Variants in TENT2 observed in about 807,000 individuals in gnomAD.
TENT2 encodes terminal nucleotidyltransferase 2.
TENT2 carries 44 observed loss-of-function variants against 72.2 expected under a neutral mutation model. The ratio of observed to expected loss-of-function variants is 0.61; its 90% CI spans 0.48 to 0.78. The LOEUF (loss-of-function observed/expected upper bound fraction) is 0.78. Ranked by LOEUF, TENT2 falls within the 30% of genes least tolerant of loss-of-function variation. The pLI is 0.00. For missense variants in TENT2, 541 were observed against 569.6 expected (o/e 0.95, Z 0.51); for synonymous variants, 212 against 192.5 (o/e 1.10, Z -0.84).
At chr5:79,660,965 G>A (rs920739986) in intron 11 of TENT2, among the ~76,000 whole-genome samples, 3 of 151,794 alleles carry the variant, frequency 2.0e-5, no homozygotes, top group Admixed American at 2.0e-4. Flanking sequence ...GTATGTTTGT[G>A]CCTTTGTTTT....
intron 14 of TENT2, 72 bp from the exon 15 acceptor site, chr5:79,685,127 T>G: frequency 1.8e-6 from 2 of 1,139,760 alleles, no homozygotes; most frequent in African/African-American, 1.6e-5. Context: ...ACTATTAACA[T>G]TCTTTTAAAC....
intron 3 of TENT2, among the ~76,000 whole-genome samples, chr5:79,622,160 G>T (rs1271948600): frequency 6.6e-6 from 1 of 152,130 alleles, no homozygotes; most frequent in Non-Finnish European, 1.5e-5. Flanking sequence ...AATTAGCTGA[G>T]CATCGTGGCG....
intron 1 of TENT2, among the ~76,000 whole-genome samples, chr5:79,614,495 C>T (rs1561435873): frequency 1.3e-5 from 2 of 152,204 alleles, no homozygotes; most frequent in African/African-American, 2.4e-5. Context: ...AGGTTTTCTC[C>T]GTAAAGAAAG....
chr5:79,621,049 C>T (rs1303332813), intron 3 of TENT2, among the ~76,000 whole-genome samples: 1 of 151,792 alleles, frequency 6.6e-6, no homozygotes, highest in Non-Finnish European at 1.5e-5. Context: ...CCTATATAAA[C>T]ATTCTATAAC....
intron 10 of TENT2, among the ~76,000 whole-genome samples, chr5:79,649,406 G>A (rs1791841207): frequency 7.6e-6 from 1 of 130,924 alleles, no homozygotes; most frequent in Admixed American, 7.8e-5. Context: ...TTATTTTTTG[G>A]AAGTTTTTCT....
intron 11 of TENT2, among the ~76,000 whole-genome samples, chr5:79,657,682 TTC>T (rs1343668357): frequency 4.6e-5 from 7 of 152,198 alleles, no homozygotes; most frequent in East Asian, 1.9e-4. Context: ...TTCTCCAGAA[TTC>T]TCTGTTTCTT....
intron 4 of TENT2, among the ~76,000 whole-genome samples, chr5:79,627,116 T>G: frequency 7.2e-6 from 1 of 139,096 alleles, no homozygotes. Flanking sequence ...GGCGACAGAG[T>G]GAGACTCCGT....
intron 12 of TENT2, among the ~76,000 whole-genome samples, chr5:79,671,967 G>A (rs1268472534): frequency 2.6e-5 from 4 of 151,932 alleles, no homozygotes; most frequent in Admixed American, 6.6e-5. Context: ...GCCAGGTGTG[G>A]TGGCACATGC....
intron 14 of TENT2, among the ~76,000 whole-genome samples, chr5:79,684,899 A>G (rs945434468): frequency 6.6e-6 from 1 of 152,212 alleles, no homozygotes; most frequent in Non-Finnish European, 1.5e-5. Flanking sequence ...CTCTACAAAA[A>G]AATTTAAAAA....
intron 12 of TENT2, among the ~76,000 whole-genome samples, chr5:79,671,773 A>G (rs1022418987): frequency 1.3e-5 from 2 of 152,140 alleles, no homozygotes; most frequent in Admixed American, 1.3e-4. Context: ...AGTATATGGT[A>G]TAAATGTTGC....
At chr5:79,684,662 C>G (rs915659660) in intron 14 of TENT2, among the ~76,000 whole-genome samples, 7 of 152,136 alleles carry the variant, frequency 4.6e-5, no homozygotes, top group African/African-American at 1.7e-4. Flanking sequence ...GTCTTAATTA[C>G]CTTGCTACTT....
At chr5:79,641,809 A>AT (rs59045852) in intron 6 of TENT2, among the ~76,000 whole-genome samples, 101 of 147,246 alleles carry the variant, frequency 6.9e-4, no homozygotes, top group Admixed American at 2.0e-3. Flanking sequence ...TGGATTGTAG[A>AT]TTTTTTTTTT....
chr5:79,656,519 A>G (rs1231619327), intron 10 of TENT2, among the ~76,000 whole-genome samples: 1 of 152,004 alleles, frequency 6.6e-6, no homozygotes, highest in Non-Finnish European at 1.5e-5. Context: ...TAAAGGGACA[A>G]TTATGAAAGA....
chr5:79,669,298 T>C (rs955705344), intron 12 of TENT2, among the ~76,000 whole-genome samples: 7 of 152,182 alleles, frequency 4.6e-5, no homozygotes, highest in Non-Finnish European at 1.0e-4. Context: ...ATTTCAATAG[T>C]GGTAGGCCCT....
chr5:79,642,791 TAGAA>T (rs1451355242), intron 6 of TENT2, 37 bp from the exon 7 acceptor site: 8 of 1,484,392 alleles, frequency 5.4e-6, no homozygotes, highest in South Asian at 2.4e-5. Flanking sequence ...ACATTAAACT[TAGAA>T]AGATAATGAA....
At position 79,677,764 on chromosome 5, in the gene TENT2, T is replaced by A. The variant is rs368335842; in HGVS notation, c.1209-1815T>A. Among the ~76,000 whole-genome samples, 16 of 152,278 alleles carry A rather than the reference T, an allele frequency of 1.1e-4. No individual in the cohort carries two copies. In the South Asian group the frequency reaches 3.3e-3, roughly 32 times the overall value. ...TCACATTGTTGTTGTAAAGAAACAA[T>A]GTAAGAAAATTGTTGGAAACATTTG... On this transcript the variant is annotated intron_variant, in intron 12 of 14. Coordinates refer to ENST00000453514, the MANE Select transcript of TENT2 (RefSeq NM_001114394.3).
At position 79,642,286 on chromosome 5, in the gene TENT2, T is replaced by C. The variant is rs76319216; in HGVS notation, c.673-546T>C. Reference sequence around the variant, plus strand: ...TATTTTTCTAGGCTTTGAAATCATATAAAGAGAAAGTTTAAAAAAACTCAC... The same window carrying C: ...TATTTTTCTAGGCTTTGAAATCATACAAAGAGAAAGTTTAAAAAAACTCAC... On this transcript the variant is annotated intron_variant, in intron 6 of 14. Transcript: ENST00000453514. 8.7e-3 allele frequency among the ~76,000 whole-genome samples: 1,327 copies of C among 152,140 alleles called. 16 individuals are homozygous for C. The highest frequency in any genetic ancestry group is 0.031 in the African/African-American group (1,289 of 41,536).
chr5:79,626,243 C>T (rs1392181542), intron 4 of TENT2, among the ~76,000 whole-genome samples: 1 of 151,950 alleles, frequency 6.6e-6, no homozygotes. Flanking sequence ...TCAAGTGATT[C>T]TGCTGTCTCA....
Position 79,685,972 on chromosome 5 carries a change from A to G in TENT2, c.*699A>G, listed in dbSNP as rs972849049. 1 of 152,662 alleles carries G rather than the reference A, an allele frequency of 6.6e-6. No individual in the cohort carries two copies. The highest frequency in any genetic ancestry group is 1.5e-5 in the Non-Finnish European group (1 of 68,044). The allele number at this position is 152,662 out of a possible 1,614,324, so 9.5% of individuals were successfully genotyped here. A position where few individuals can be genotyped will look rare whatever the true frequency, so the allele number is the denominator to read the frequency against. Reference sequence around the variant, plus strand: ...GGGAGCACTAACTCTTACAACAGTTAGTGAATCGTTTTAAAGAATCAGTTC... The same window carrying G: ...GGGAGCACTAACTCTTACAACAGTTGGTGAATCGTTTTAAAGAATCAGTTC... On this transcript the variant is annotated 3_prime_UTR_variant, in exon 15 of 15. Coordinates refer to ENST00000453514, the MANE Select transcript of TENT2 (RefSeq NM_001114394.3).
Sources: allele counts gnomAD v4.1 joint callset (sites outside exome capture counted in the v4.1 genomes callset), GRCh38; gene constraint gnomAD v4.1.1; transcripts MANE v1.5; gene names NCBI Gene and HGNC (gene_info 2026-07-23, HGNC 2026-07-21).